Variants in AGFG1 observed in about 807,000 individuals in gnomAD.
The protein encoded by AGFG1 is arf-GAP domain and FG repeat-containing protein 1.
Under a neutral mutation model 60.6 loss-of-function variants are expected in AGFG1, and 10 were observed. The observed-to-expected ratio is 0.16, with a 90% confidence interval of 0.10 to 0.28. The LOEUF (loss-of-function observed/expected upper bound fraction) is 0.28. AGFG1 is among the 10% of genes least tolerant of loss of function. The pLI, the probability that AGFG1 is intolerant of heterozygous loss-of-function variation, is 1.00. For missense variants in AGFG1, 537 were observed against 676.5 expected, an observed-to-expected ratio of 0.79 and a Z score of 2.29; for synonymous variants, 247 against 242.9, an observed-to-expected ratio of 1.02 and a Z score of -0.16.
chr2:227,521,660 G>T (rs916209966), intron 3 of AGFG1, among the ~76,000 whole-genome samples: 3 of 152,120 alleles, frequency 2.0e-5, no homozygotes, highest in African/African-American at 7.2e-5. Flanking sequence ...TCTCAGCCGT[G>T]TTACTTTTAC....
chr2:227,534,519 T>C (rs1053753803), intron 7 of AGFG1, among the ~76,000 whole-genome samples: 4 of 152,228 alleles, frequency 2.6e-5, no homozygotes, highest in Admixed American at 2.6e-4. Flanking sequence ...TATGAATTTA[T>C]ATGTTCATGT....
At chr2:227,552,777 G>A (rs992331332) in intron 11 of AGFG1, among the ~76,000 whole-genome samples, 12 of 151,080 alleles carry the variant, frequency 7.9e-5, no homozygotes, top group African/African-American at 1.7e-4. Context: ...TGAAGTGGGC[G>A]GATCATCTGA....
chr2:227,496,399 G>T (rs1408019747), intron 2 of AGFG1, among the ~76,000 whole-genome samples: 1 of 147,568 alleles, frequency 6.8e-6, no homozygotes, highest in African/African-American at 2.5e-5. Context: ...CCGAGATTGC[G>T]CCACTGCACT....
chr2:227,478,796 T>A (rs940867454), intron 1 of AGFG1, among the ~76,000 whole-genome samples: 1 of 152,238 alleles, frequency 6.6e-6, no homozygotes, highest in Non-Finnish European at 1.5e-5. Flanking sequence ...TAAAACAGTT[T>A]GAATGCTGAA....
intron 1 of AGFG1, among the ~76,000 whole-genome samples, chr2:227,489,304 C>T (rs1229700027): frequency 6.9e-6 from 1 of 144,614 alleles, no homozygotes; most frequent in Non-Finnish European, 1.5e-5. Flanking sequence ...AATCTCAGCT[C>T]ACTGCAACTT....
chr2:227,532,130 C>A (rs1163875810), intron 6 of AGFG1: 13 of 1,532,768 alleles, frequency 8.5e-6, no homozygotes, highest in Non-Finnish European at 9.6e-6. Context: ...TAATTTCTGG[C>A]TGTCCAGCAT....
Position 227,524,067 on chromosome 2 carries a change from T to G in AGFG1, c.540+142T>G, listed in dbSNP as rs1044816510. The G allele has an allele frequency of 1.3e-5, 12 of 909,802 alleles. No homozygotes were observed. In the Admixed American group the frequency reaches 1.3e-4, roughly 10 times the overall value. The allele number at this position is 909,802 out of a possible 1,614,324, so 56.4% of individuals were successfully genotyped here. On this transcript the variant is annotated intron_variant, in intron 4 of 12. Coordinates refer to ENST00000310078, the MANE Select transcript of AGFG1 (RefSeq NM_004504.5). The stretch of plus-strand genomic sequence containing the variant: ...AATGGTTTGTTATACATTAAGAAAT[T>G]GTTGGTTAAGTGGTTGAAATGTATA...
intron 1 of AGFG1, among the ~76,000 whole-genome samples, chr2:227,484,212 G>C (rs1051681995): frequency 6.6e-6 from 1 of 151,656 alleles, no homozygotes; most frequent in African/African-American, 2.4e-5. Flanking sequence ...TTTTTGAGAC[G>C]GAGTTTTACT....
chr2:227,524,032 A>G, intron 4 of AGFG1, 107 bp downstream of exon 4: 1 of 1,089,766 alleles, frequency 9.2e-7, no homozygotes, highest in South Asian at 1.9e-5. Context: ...TGCCAGTAGC[A>G]TTATGTTCCA....
intron 6 of AGFG1, 62 bp downstream of exon 6, chr2:227,531,272 A>G (rs1692150669): frequency 1.3e-6 from 2 of 1,553,260 alleles, no homozygotes; most frequent in South Asian, 2.4e-5. Context: ...CTCTAAATGT[A>G]GTTTTGAAAA....
At chr2:227,525,595 T>G (rs1691969915) in intron 5 of AGFG1, among the ~76,000 whole-genome samples, 1 of 152,240 alleles carries the variant, frequency 6.6e-6, no homozygotes, top group South Asian at 2.1e-4. Context: ...TTTCCTGTAT[T>G]CCTTCTTTTT....
intron 1 of AGFG1, among the ~76,000 whole-genome samples, chr2:227,484,862 C>G (rs911387031): frequency 6.6e-6 from 1 of 151,722 alleles, no homozygotes. Context: ...CGCCAACATG[C>G]CCGGCTAATT....
At chr2:227,544,631 G>T (rs571313524) in intron 10 of AGFG1, among the ~76,000 whole-genome samples, 2 of 152,106 alleles carry the variant, frequency 1.3e-5, no homozygotes, top group Non-Finnish European at 2.9e-5. Context: ...CTTCCTTCAG[G>T]AGCTCTTGTA....
At position 227,533,597 on chromosome 2, in the gene AGFG1, T is replaced by C; in HGVS notation, c.863T>C (p.Phe288Ser). The stretch of plus-strand genomic sequence containing the variant: ...GCTAATTTTGCTCATTTTGATAACT[T>C]CCCCAAATCCTCCAGTGCTGATTTT... ...VNANFAHFDNFPKSSSADFGT... is the reference protein window; with the variant it reads ...VNANFAHFDNSPKSSSADFGT... Residue 288 changes from phenylalanine to serine, a missense_variant, in exon 7 of 13, where the codon TTC becomes TCC. Coordinates refer to ENST00000310078, the MANE Select transcript of AGFG1 (RefSeq NM_004504.5). The C allele has an allele frequency of 6.2e-7, 1 of 1,613,766 alleles. No homozygotes were observed. The highest frequency in any genetic ancestry group is 8.5e-7 in the Non-Finnish European group (1 of 1,179,802).
In AGFG1 at chr2:227,524,787, G is replaced by T. The variant is rs1287085571; in HGVS notation, c.566G>T (p.Gly189Val). The change falls in exon 5 of 13, where the codon GGG becomes GTG. Residue 189 changes from glycine to valine, a missense_variant. Around this residue, in one of 4 missense-constraint regions of AGFG1, gnomAD observed 102 missense variants for 82.9 expected, o/e 1.23. Coordinates refer to ENST00000310078, the MANE Select transcript of AGFG1 (RefSeq NM_004504.5). ...SQSPVVGRSQ[G>V]QQQEKKQFDL... Reference sequence around the variant, plus strand: ...TCCCCAGTTGTAGGTCGTTCTCAAGGGCAGCAGCAGGAGAAGAAGCAATTT... The same window carrying T: ...TCCCCAGTTGTAGGTCGTTCTCAAGTGCAGCAGCAGGAGAAGAAGCAATTT... 6.2e-7 allele frequency: 1 copy of T among 1,613,986 alleles called. No homozygotes were observed. Among genetic ancestry groups the T allele is most frequent in the Non-Finnish European group, 8.5e-7 (1 of 1,179,980 alleles).
At chr2:227,484,688 G>GTTTTTTTGT (rs1690570519) in intron 1 of AGFG1, among the ~76,000 whole-genome samples, 1 of 25,092 alleles carries the variant, frequency 4.0e-5, no homozygotes, top group African/African-American at 1.1e-4. Flanking sequence ...TTTTTTTTTT[G>GTTTTTTTGT]TTTTTTTTTT....
intron 2 of AGFG1, among the ~76,000 whole-genome samples, chr2:227,519,389 T>G (rs1226226613): frequency 6.6e-6 from 1 of 152,224 alleles, no homozygotes; most frequent in African/African-American, 2.4e-5. Flanking sequence ...TTTGTGCTAT[T>G]TTATTTCATT....
At chr2:227,475,822 A>G (rs1238013302) in intron 1 of AGFG1, among the ~76,000 whole-genome samples, 1 of 152,230 alleles carries the variant, frequency 6.6e-6, no homozygotes, top group Non-Finnish European at 1.5e-5. Flanking sequence ...TATTGAGCAC[A>G]TACCGTATTT....
intron 2 of AGFG1, among the ~76,000 whole-genome samples, chr2:227,501,358 G>C (rs1385797555): frequency 6.6e-6 from 1 of 152,326 alleles, no homozygotes; most frequent in South Asian, 2.1e-4. Flanking sequence ...TGGGATTATA[G>C]GCATGAGCCA....
Sources: gnomAD v4.1 joint callset for allele counts (sites outside exome capture counted in the v4.1 genomes callset) on GRCh38, gnomAD v4.1.1 for gene constraint, gnomAD v4.1.1 regional missense constraint, MANE v1.5 for transcripts, NCBI Gene and HGNC (gene_info 2026-07-23, HGNC 2026-07-21) for gene names.